Variants in FAM13A observed in about 807,000 individuals in gnomAD.
The protein encoded by FAM13A is protein FAM13A.
A neutral mutation model predicts 129.6 loss-of-function variants in FAM13A; 76 were observed. That is an observed-to-expected ratio of 0.59 (90% CI 0.49 to 0.71). FAM13A has a LOEUF of 0.71. Ranked by LOEUF, FAM13A falls within the 30% of genes least tolerant of loss-of-function variation. The pLI is 0.00. For synonymous variants in FAM13A, 443 were observed against 449.9 expected, an observed-to-expected ratio of 0.98 and a Z score of 0.20; for missense variants, 1,108 against 1,249.3, an observed-to-expected ratio of 0.89 and a Z score of 1.70.
intron 6 of FAM13A, among the ~76,000 whole-genome samples, chr4:88,876,978 T>C (rs1293309213): frequency 6.6e-6 from 1 of 152,206 alleles, no homozygotes; most frequent in Non-Finnish European, 1.5e-5. Flanking sequence ...ACTGAGATTA[T>C]GATTGAGAAC....
chr4:88,994,536 A>G (rs1763294904), intron 3 of FAM13A, among the ~76,000 whole-genome samples: 1 of 152,176 alleles, frequency 6.6e-6, no homozygotes, highest in Non-Finnish European at 1.5e-5. Context: ...GACGCTTGCG[A>G]GAAAGAAGGC....
chr4:88,841,493 C>A (rs977849862), intron 7 of FAM13A, among the ~76,000 whole-genome samples: 2,519 of 95,992 alleles, frequency 0.026, no homozygotes, highest in Non-Finnish European at 0.036. Flanking sequence ...GACTCTGTCT[C>A]AAAAAAAAAA....
intron 6 of FAM13A, among the ~76,000 whole-genome samples, chr4:88,856,251 G>A (rs1738473504): frequency 6.6e-6 from 1 of 151,950 alleles, no homozygotes; most frequent in Non-Finnish European, 1.5e-5. Flanking sequence ...AGGCCAAGAT[G>A]GGGGGATTGC....
rs926865981 is a variant in FAM13A at position 88,918,013 on chromosome 4, G to A, written c.760-11551C>T. Among the ~76,000 whole-genome samples, 3 of 152,174 alleles carry A rather than the reference G, an allele frequency of 2.0e-5. No homozygotes were observed. In the East Asian group the frequency reaches 5.8e-4, roughly 29 times the overall value. ...GAAGACACTGTTCAGCTCTCACACT[G>A]CCTGCTGCCCAGAACCTTACAGCTG... On this transcript the variant is annotated intron_variant, in intron 5 of 23. Transcript: ENST00000264344.
intron 4 of FAM13A, among the ~76,000 whole-genome samples, chr4:88,987,842 A>AAAAAAAAAAAAAAC (rs1179513659): frequency 6.6e-6 from 1 of 150,494 alleles, no homozygotes; most frequent in African/African-American, 2.4e-5. Context: ...TCCTCTCAAA[A>AAAAAAAAAAAAAAC]AAAAAAAAAA....
chr4:88,991,031 C>T lies in FAM13A; in HGVS notation c.547G>A (p.Val183Met), dbSNP rs1762866258. ...TTGTGAACATTCATGCGATTCTGCA[C>T]ATGATGCTTGGCTACTTTTGTCAAG... ...QFLTKVAKHHVQNRMNVHNLA... is the reference protein window; with the variant it reads ...QFLTKVAKHHMQNRMNVHNLA... The change falls in exon 4 of 24, where the codon GTG becomes ATG. Residue 183 changes from valine (V) to methionine (M), a missense_variant. Val to Met is a conservative substitution (Grantham distance 21, BLOSUM62 1). This residue lies in a region of FAM13A where 566 missense variants were observed against 595.7 expected (regional missense o/e 0.95). Coordinates refer to ENST00000264344, the MANE Select transcript of FAM13A (RefSeq NM_014883.4). 1.2e-6 allele frequency: 2 copies of T among 1,614,048 alleles called. No individual in the cohort carries two copies. The highest frequency in any genetic ancestry group is 1.7e-5 in the Admixed American group (1 of 60,002).
intron 1 of FAM13A, among the ~76,000 whole-genome samples, chr4:89,040,360 A>G (rs1264259017): frequency 2.0e-5 from 3 of 152,222 alleles, no homozygotes; most frequent in Non-Finnish European, 4.4e-5. Flanking sequence ...TTTTTCATTA[A>G]TAATAAATTT....
At position 88,726,622 on chromosome 4, in the gene FAM13A, CAGACT is replaced by C. The variant is rs557340270; in HGVS notation, c.*1906_*1910del. Reference sequence around the variant, plus strand: ...CTTATTTAAGAGAGCTATTAAAGGACAGACTAGACATGTATTTTTAAAAAAACACA... The same window carrying C: ...CTTATTTAAGAGAGCTATTAAAGGACAGACATGTATTTTTAAAAAAACACA... On this transcript the variant is annotated 3_prime_UTR_variant, in exon 24 of 24. Transcript: ENST00000264344. 18 of 148,054 alleles carry C rather than the reference CAGACT, an allele frequency of 1.2e-4. No homozygotes were observed. The highest frequency in any genetic ancestry group is 2.1e-4 in the Non-Finnish European group (14 of 67,480). 9.2% of individuals were successfully genotyped at this position (148,054 alleles called of 1,614,324 possible).
intron 8 of FAM13A, among the ~76,000 whole-genome samples, chr4:88,798,626 A>G (rs1375805587): frequency 6.6e-6 from 1 of 152,174 alleles, no homozygotes; most frequent in Non-Finnish European, 1.5e-5. Context: ...TCTGCAAGGT[A>G]AAAATATGTT....
chr4:89,024,876 G>C (rs1004700655), intron 2 of FAM13A, among the ~76,000 whole-genome samples: 1 of 94,048 alleles, frequency 1.1e-5, no homozygotes, highest in Non-Finnish European at 2.3e-5. Flanking sequence ...TTCTGATTCA[G>C]TAGTATGAGG....
chr4:88,909,879 AC>A (rs762405656), intron 5 of FAM13A, among the ~76,000 whole-genome samples: 9 of 152,192 alleles, frequency 5.9e-5, no homozygotes, highest in Non-Finnish European at 8.8e-5. Context: ...TAGATTGTAT[AC>A]TTTATAAGAG....
chr4:88,910,097 G>T (rs1423849192), intron 5 of FAM13A, among the ~76,000 whole-genome samples: 1 of 152,158 alleles, frequency 6.6e-6, no homozygotes, highest in Non-Finnish European at 1.5e-5. Flanking sequence ...AATATCAACT[G>T]AATCTTATTA....
chr4:88,743,028 G>A (rs944711198), intron 19 of FAM13A, among the ~76,000 whole-genome samples: 1 of 152,138 alleles, frequency 6.6e-6, no homozygotes, highest in Non-Finnish European at 1.5e-5. Flanking sequence ...TGTGGAACTA[G>A]GGTTATCATT....
chr4:88,885,489 C>T (rs1442549794), intron 6 of FAM13A, among the ~76,000 whole-genome samples: 3 of 152,158 alleles, frequency 2.0e-5, no homozygotes, highest in Non-Finnish European at 4.4e-5. Context: ...TCATCTCTCA[C>T]CTTTTACAAA....
In FAM13A at chr4:88,750,653, A is replaced by T; in HGVS notation, c.1727-16T>A. The T allele has an allele frequency of 6.4e-7, 1 of 1,560,890 alleles. No individual in the cohort carries two copies. Among genetic ancestry groups the T allele is most frequent in the Non-Finnish European group, 8.6e-7 (1 of 1,160,244 alleles). ...GGGATAGGCTCTGGAAGATAAGGGC[A>T]GTAAGATCAGGACTGTTCCTGAAAG... On this transcript the variant is annotated splice_polypyrimidine_tract_variant and intron_variant, in intron 14 of 23. Transcript: ENST00000264344.
At chr4:89,003,650 T>C (rs551527860) in intron 3 of FAM13A, among the ~76,000 whole-genome samples, 1 of 151,152 alleles carries the variant, frequency 6.6e-6, no homozygotes, top group African/African-American at 2.4e-5. Flanking sequence ...AAAATATATA[T>C]ACATGTATGT....
At chr4:89,011,689 T>G (rs1579762133) in intron 3 of FAM13A, among the ~76,000 whole-genome samples, 1 of 152,212 alleles carries the variant, frequency 6.6e-6, no homozygotes, top group East Asian at 1.9e-4. Flanking sequence ...GTCAGATAAC[T>G]CTGTCTTACC....
chr4:88,870,625 G>C (rs886814378), intron 6 of FAM13A, among the ~76,000 whole-genome samples: 1 of 152,200 alleles, frequency 6.6e-6, no homozygotes, highest in Non-Finnish European at 1.5e-5. Context: ...TAAACAAAGC[G>C]GCCAGGAAGC....
chr4:88,878,280 T>G (rs1384999571), intron 6 of FAM13A, among the ~76,000 whole-genome samples: 5 of 88,648 alleles, frequency 5.6e-5, no homozygotes, highest in Non-Finnish European at 7.7e-5. Flanking sequence ...AGAGTGAGAC[T>G]CCATCTCAAA....
Sources: allele counts gnomAD v4.1 joint callset (sites outside exome capture counted in the v4.1 genomes callset), GRCh38; gene constraint gnomAD v4.1.1; regional missense constraint gnomAD v4.1.1; transcripts MANE v1.5; gene names NCBI Gene and HGNC (gene_info 2026-07-23, HGNC 2026-07-21).